Variants in AGTPBP1 observed in about 807,000 individuals in gnomAD.
The protein encoded by AGTPBP1 is ATP/GTP binding carboxypeptidase 1.
In AGTPBP1, 70 loss-of-function variants were observed where a neutral mutation model predicts 143.9. The observed-to-expected ratio is 0.49, with a 90% CI of 0.40 to 0.59. The LOEUF is 0.59. Ranked by LOEUF, AGTPBP1 falls within the 20% of genes least tolerant of loss-of-function variation. AGTPBP1 has a pLI of 0.00. For synonymous variants in AGTPBP1, 463 were observed against 500.2 expected, an observed-to-expected ratio of 0.93 and a Z score of 0.99; for missense variants, 1,229 against 1,464.5, an observed-to-expected ratio of 0.84 and a Z score of 2.62.
intron 14 of AGTPBP1, among the ~76,000 whole-genome samples, chr9:85,626,768 CA>C (rs1831324342): frequency 6.6e-6 from 1 of 152,086 alleles, no homozygotes; most frequent in African/African-American, 2.4e-5. Flanking sequence ...CAGTCATAGA[CA>C]ATGCATTAAA....
At chr9:85,742,038 G>C, upstream of AGTPBP1, 1 of 1,190,494 alleles carries the variant, frequency 8.4e-7, no homozygotes, top group Non-Finnish European at 1.0e-6. Flanking sequence ...AGGGAGTGGG[G>C]GCGGGGCGTG....
chr9:85,783,138 T>C, the AGTPBP1 span, among the ~76,000 whole-genome samples: 1 of 152,208 alleles, frequency 6.6e-6, no homozygotes, highest in Non-Finnish European at 1.5e-5. Flanking sequence ...CCTGGCTCTT[T>C]AACCAAACAC....
chr9:85,742,066 C>T (rs1824357698), upstream of AGTPBP1: 4 of 1,125,996 alleles, frequency 3.6e-6, no homozygotes, highest in Non-Finnish European at 4.4e-6. Flanking sequence ...GCGAAAGGGG[C>T]GGGGCGGAGC....
the AGTPBP1 span, among the ~76,000 whole-genome samples, chr9:85,760,274 C>T: frequency 2.6e-5 from 4 of 152,074 alleles, no homozygotes; most frequent in African/African-American, 9.7e-5. Flanking sequence ...TTTTATGAGG[C>T]CAGCATCATC....
In AGTPBP1 at chr9:85,586,784, T is replaced by C. The variant is rs777927517; in HGVS notation, c.3033+47A>G. On this transcript the variant is annotated intron_variant, in intron 22 of 25. Coordinates refer to ENST00000357081, the MANE Select transcript of AGTPBP1 (RefSeq NM_001330701.2). ...ACAAGTGCTTGATAATTAAAAATGA[T>C]ATTTTATCTTTGACTATCCCAAGTA... 4.9e-5 allele frequency: 77 copies of C among 1,581,080 alleles called. No individual in the cohort carries two copies. In the South Asian group the frequency reaches 8.4e-4, roughly 17 times the overall value.
intron 18 of AGTPBP1, among the ~76,000 whole-genome samples, chr9:85,595,820 C>T (rs1391123883): frequency 6.6e-6 from 1 of 152,174 alleles, no homozygotes; most frequent in African/African-American, 2.4e-5. Context: ...AGCCACCACA[C>T]CCAGCCTCTA....
chr9:85,666,433 T>C (rs548758798), intron 8 of AGTPBP1, among the ~76,000 whole-genome samples: 22 of 152,266 alleles, frequency 1.4e-4, no homozygotes, highest in Middle Eastern at 3.4e-3. Context: ...CTGAGGTTTT[T>C]AGTTAATTAG....
chr9:85,677,494 G>A lies in AGTPBP1; in HGVS notation c.378C>T (p.Pro126=), dbSNP rs1345879291. 1 of 1,603,958 alleles carries A rather than the reference G, an allele frequency of 6.2e-7. No homozygotes were observed. Among genetic ancestry groups the A allele is most frequent in the Non-Finnish European group, 8.5e-7 (1 of 1,175,224 alleles). ...TCTGTACCATTAAGTCCTCATGTGG[G>A]GGAGATTCTTTGCTGGCATTCATAA... The part of the protein sequence containing the change: ...QLLMNASKES[P]PHEDLMVQIH... Residue 126 remains proline, a synonymous_variant, in exon 6 of 26, where the codon CCC becomes CCT. Transcript: ENST00000357081.
At chr9:85,739,708 CAAAAA>C (rs547952850) in intron 1 of AGTPBP1, among the ~76,000 whole-genome samples, 1 of 82,044 alleles carries the variant, frequency 1.2e-5, no homozygotes. Context: ...AACTCCGTCT[CAAAAA>C]AAAAAAAAAA....
At chr9:85,760,954 A>G in the AGTPBP1 span, among the ~76,000 whole-genome samples, 1 of 152,312 alleles carries the variant, frequency 6.6e-6, no homozygotes, top group African/African-American at 2.4e-5. Flanking sequence ...AAAAATCACA[A>G]GCATTCTTAT....
At chr9:85,774,167 T>G in the AGTPBP1 span, 231 of 681,746 alleles carry the variant, frequency 3.4e-4, 1 homozygote, top group East Asian at 5.7e-3. Flanking sequence ...GTTTTTGGGC[T>G]TTACATGTTT....
rs766766344 is a variant in AGTPBP1, at chr9:85,621,220, T to C, written c.2081A>G (p.Tyr694Cys). The C allele has an allele frequency of 1.4e-6, 2 of 1,470,472 alleles. No individual in the cohort carries two copies. Among genetic ancestry groups the C allele is most frequent in the South Asian group, 1.6e-5 (1 of 62,678 alleles). The allele number at this position is 1,470,472 out of a possible 1,614,324, so 91.1% of individuals were successfully genotyped here. Residue 694 changes from tyrosine (Y) to cysteine (C), a missense_variant, in exon 15 of 26, where the codon TAT (tyrosine) becomes TGT (cysteine). By Grantham distance (194) the Tyr-to-Cys change is radical. Transcript: ENST00000357081. Reference sequence around the variant, plus strand: ...GACTTACTTTGGGTTATCCAAGTCATATACCACACGATCTATGATATCACT... The same window carrying C: ...GACTTACTTTGGGTTATCCAAGTCACATACCACACGATCTATGATATCACT... ...HQSDIIDRVV[Y>C]DLDNPNYTIP...
intron 22 of AGTPBP1, among the ~76,000 whole-genome samples, chr9:85,586,506 TAG>T (rs1828619386): frequency 6.6e-6 from 1 of 152,152 alleles, no homozygotes; most frequent in African/African-American, 2.4e-5. Context: ...CTGTGTGTAG[TAG>T]AGACTTAACA....
chr9:85,645,630 C>T (rs1161112295), intron 12 of AGTPBP1, among the ~76,000 whole-genome samples: 1 of 152,034 alleles, frequency 6.6e-6, no homozygotes, highest in Non-Finnish European at 1.5e-5. Flanking sequence ...TTGGTCCAAA[C>T]AGGAAAGAGT....
chr9:85,669,417 A>G lies in AGTPBP1; in HGVS notation c.662+68T>C, dbSNP rs561348333. On this transcript the variant is annotated intron_variant, in intron 8 of 25. Transcript: ENST00000357081. Reference sequence around the variant, plus strand: ...ATTTAATTCAACCTGCTCATTGTACATATCAAGATAATGAGGCCCAGAGTA... The same window carrying G: ...ATTTAATTCAACCTGCTCATTGTACGTATCAAGATAATGAGGCCCAGAGTA... 45 of 869,928 alleles carry G rather than the reference A, an allele frequency of 5.2e-5. No homozygotes were observed. In the African/African-American group the frequency reaches 7.0e-4, roughly 14 times the overall value. 53.9% of individuals were successfully genotyped at this position (869,928 alleles called of 1,614,324 possible).
intron 14 of AGTPBP1, among the ~76,000 whole-genome samples, chr9:85,628,139 T>G (rs978652582): frequency 7.9e-5 from 12 of 152,228 alleles, no homozygotes; most frequent in African/African-American, 2.9e-4. Flanking sequence ...TACTTTATTT[T>G]TTGTAGTAGT....
At chr9:85,725,688 C>T (rs561294607) in intron 1 of AGTPBP1, among the ~76,000 whole-genome samples, 1 of 152,096 alleles carries the variant, frequency 6.6e-6, no homozygotes, top group South Asian at 2.1e-4. Flanking sequence ...GGTGGGAGAA[C>T]TGCTTGAGCC....
chr9:85,657,855 G>A (rs1245460913), intron 9 of AGTPBP1, among the ~76,000 whole-genome samples: 4 of 152,080 alleles, frequency 2.6e-5, no homozygotes, highest in Admixed American at 6.5e-5. Flanking sequence ...ATCTGCCTGT[G>A]TAATGTTTCA....
chr9:85,700,275 T>C, intron 2 of AGTPBP1, among the ~76,000 whole-genome samples: 1 of 152,100 alleles, frequency 6.6e-6, no homozygotes, highest in Admixed American at 6.5e-5. Context: ...ACAACGAAAG[T>C]GTAATTCCTG....
Sources: gnomAD v4.1 joint callset for allele counts (sites outside exome capture counted in the v4.1 genomes callset) on GRCh38, gnomAD v4.1.1 for gene constraint, MANE v1.5 for transcripts, NCBI Gene and HGNC (gene_info 2026-07-23, HGNC 2026-07-21) for gene names.